DPP10: variants seen among roughly 807,000 people sequenced by gnomAD.
DPP10 encodes inactive dipeptidyl peptidase 10.
A neutral mutation model predicts 120.9 loss-of-function variants in DPP10; 33 were observed. The ratio of observed to expected loss-of-function variants is 0.27; its 90% CI spans 0.21 to 0.37. DPP10 has a LOEUF of 0.37. DPP10 is among the 10% of genes least tolerant of loss of function. The pLI is 1.00. For synonymous variants in DPP10, 337 were observed against 326.1 expected, an observed-to-expected ratio of 1.03 and a Z score of -0.36; for missense variants, 816 against 942.8, an observed-to-expected ratio of 0.87 and a Z score of 1.76.
intron 5 of DPP10, among the ~76,000 whole-genome samples, chr2:115,533,854 C>G: frequency 6.6e-6 from 1 of 151,956 alleles, no homozygotes; most frequent in Admixed American, 6.6e-5. Context: ...AACTGCCTTC[C>G]TATGTAACCT....
intron 1 of DPP10, among the ~76,000 whole-genome samples, chr2:115,159,293 C>T (rs1342130687): frequency 6.6e-6 from 1 of 152,086 alleles, no homozygotes; most frequent in East Asian, 1.9e-4. Context: ...CCCGTCTCCA[C>T]TAAAAATGCA....
At chr2:114,663,149 C>T (rs1372694698) in intron 1 of DPP10, among the ~76,000 whole-genome samples, 5 of 151,432 alleles carry the variant, frequency 3.3e-5, no homozygotes, top group Admixed American at 3.3e-4. Flanking sequence ...GTACAGGAGC[C>T]AAGAAATAGG....
rs1292761376 is a variant in DPP10, at chr2:115,434,032, C to G, written c.272-65478C>G. On this transcript the variant is annotated intron_variant, in intron 3 of 25. Transcript: ENST00000410059. ...TTATTTATACTTTGGTAATAGTTTT[C>G]TGCTCAATTTGACCCAGAGATAGGC... 2.0e-5 allele frequency among the ~76,000 whole-genome samples: 3 copies of G among 151,848 alleles called. No individual in the cohort carries two copies. In the East Asian group the frequency reaches 5.8e-4, roughly 29 times the overall value.
intron 1 of DPP10, among the ~76,000 whole-genome samples, chr2:114,445,439 C>T (rs906219987): frequency 2.0e-5 from 3 of 151,932 alleles, no homozygotes; most frequent in Non-Finnish European, 2.9e-5. Context: ...AGTTAAACTA[C>T]GGCTAAAAAG....
At chr2:115,117,976 A>G (rs910844784) in intron 1 of DPP10, among the ~76,000 whole-genome samples, 1 of 152,208 alleles carries the variant, frequency 6.6e-6, no homozygotes, top group Non-Finnish European at 1.5e-5. Flanking sequence ...TTCAAATGCA[A>G]TAACCACTCA....
intron 1 of DPP10, among the ~76,000 whole-genome samples, chr2:115,118,747 TTGTGTGTGTGTGTGTGTGTGTGTGTG>T (rs59183186): frequency 7.1e-6 from 1 of 140,414 alleles, no homozygotes; most frequent in African/African-American, 2.7e-5. Context: ...ACACAGCTAA[TTGTGTGTGTGTGTGTGTGTGTGTGTG>T]TGTGTGTGTG....
At chr2:115,113,336 G>T (rs1163515572) in intron 1 of DPP10, among the ~76,000 whole-genome samples, 1 of 151,786 alleles carries the variant, frequency 6.6e-6, no homozygotes, top group Non-Finnish European at 1.5e-5. Flanking sequence ...AAGTCTAAAT[G>T]TTCCAAATGG....
At chr2:115,317,058 C>T (rs1003146035) in intron 2 of DPP10, among the ~76,000 whole-genome samples, 2 of 152,136 alleles carry the variant, frequency 1.3e-5, no homozygotes, top group Non-Finnish European at 2.9e-5. Context: ...CATGCCACTG[C>T]ACTCCAAGCT....
At chr2:114,478,787 C>T (rs1220358883) in intron 1 of DPP10, among the ~76,000 whole-genome samples, 2 of 152,020 alleles carry the variant, frequency 1.3e-5, no homozygotes, top group African/African-American at 4.8e-5. Context: ...TGTGAACATA[C>T]AACAATCAAA....
At chr2:115,838,391 C>T (rs868208500) in intron 24 of DPP10, among the ~76,000 whole-genome samples, 6 of 151,918 alleles carry the variant, frequency 3.9e-5, no homozygotes, top group African/African-American at 7.3e-5. Context: ...CTTGCAAACA[C>T]GGAATAGTAG....
chr2:115,216,550 G>A (rs1452130646), intron 1 of DPP10, among the ~76,000 whole-genome samples: 4 of 152,078 alleles, frequency 2.6e-5, no homozygotes, highest in Admixed American at 1.3e-4. Context: ...TTGGGAGGCC[G>A]AGGCAGGTGG....
intron 19 of DPP10, among the ~76,000 whole-genome samples, chr2:115,799,938 G>T (rs1004249531): frequency 1.3e-5 from 2 of 151,812 alleles, no homozygotes; most frequent in African/African-American, 4.8e-5. Context: ...ATAATCCTTT[G>T]GGTATATACC....
intron 5 of DPP10, among the ~76,000 whole-genome samples, chr2:115,660,430 C>T (rs958530822): frequency 3.9e-5 from 6 of 152,062 alleles, no homozygotes; most frequent in East Asian, 1.9e-4. Flanking sequence ...GTTGTTTTGG[C>T]GTCCAAAACT....
intron 7 of DPP10, among the ~76,000 whole-genome samples, chr2:115,717,903 G>A (rs990236683): frequency 2.0e-5 from 3 of 152,170 alleles, no homozygotes; most frequent in Admixed American, 6.5e-5. Context: ...TCTGGATTTT[G>A]TCTTATGGTT....
intron 4 of DPP10, among the ~76,000 whole-genome samples, chr2:115,523,630 TA>T (rs1052185948): frequency 7.2e-5 from 11 of 152,062 alleles, no homozygotes; most frequent in African/African-American, 2.7e-4. Flanking sequence ...AACATTTCCT[TA>T]AAAACAATAC....
At chr2:114,520,559 T>C (rs1175137504) in intron 1 of DPP10, among the ~76,000 whole-genome samples, 5 of 152,184 alleles carry the variant, frequency 3.3e-5, no homozygotes, top group Non-Finnish European at 5.9e-5. Context: ...GCATGAACAA[T>C]GTATAGAATT....
In DPP10 at chr2:114,872,905, A is replaced by G. The variant is rs547646447; in HGVS notation, c.60+430067A>G. Among the ~76,000 whole-genome samples, 3 of 152,328 alleles carry G rather than the reference A, an allele frequency of 2.0e-5. No homozygotes were observed. In the South Asian group the frequency reaches 6.2e-4, roughly 32 times the overall value. On this transcript the variant is annotated intron_variant, in intron 1 of 25. Coordinates refer to ENST00000410059, the MANE Select transcript of DPP10 (RefSeq NM_020868.6). ...AATTACACGTTCATTACAATAGTTG[A>G]TTCACATTCTCCAAGCCCACTTTGT...
At chr2:115,188,969 A>G (rs1205834380) in intron 1 of DPP10, among the ~76,000 whole-genome samples, 1 of 152,232 alleles carries the variant, frequency 6.6e-6, no homozygotes, top group Middle Eastern at 3.2e-3. Flanking sequence ...ACAGCTATAA[A>G]AATGATTCAG....
chr2:115,239,202 C>T (rs1213114823), intron 1 of DPP10, among the ~76,000 whole-genome samples: 1 of 152,136 alleles, frequency 6.6e-6, no homozygotes, highest in Non-Finnish European at 1.5e-5. Flanking sequence ...TTGCATCCTT[C>T]AATCAAATTA....
Sources: allele counts gnomAD v4.1 joint callset (sites outside exome capture counted in the v4.1 genomes callset), GRCh38; gene constraint gnomAD v4.1.1; transcripts MANE v1.5; gene names NCBI Gene and HGNC (gene_info 2026-07-23, HGNC 2026-07-21).